The following TFEC variants were observed in gnomAD, a reference collection of about 807,000 sequenced individuals.
TFEC encodes the protein class E basic helix-loop-helix protein 34.
A neutral mutation model predicts 41.6 loss-of-function variants in TFEC; 31 were observed. The observed-to-expected ratio is 0.74, with a 90% CI of 0.56 to 1.01. The LOEUF (loss-of-function observed/expected upper bound fraction) is 1.01, where lower values mean the gene tolerates loss of function less well. Among genes scored for constraint, TFEC ranks in the 50% least tolerant of loss-of-function variants. The pLI, the probability that TFEC is intolerant of heterozygous loss-of-function variation, is 0.00. For synonymous variants in TFEC, 143 were observed against 140.6 expected, an observed-to-expected ratio of 1.02 and a Z score of -0.12; for missense variants, 402 against 404.1, an observed-to-expected ratio of 0.99 and a Z score of 0.04.
At chr7:116,000,201 A>G (rs1051444130) in intron 1 of TFEC, among the ~76,000 whole-genome samples, 2 of 152,176 alleles carry the variant, frequency 1.3e-5, no homozygotes, top group African/African-American at 4.8e-5. Context: ...AACAGAATGA[A>G]GAACAAAGAC....
At chr7:116,098,335 T>A (rs1797518980) in intron 3 of TFEC, among the ~76,000 whole-genome samples, 1 of 152,004 alleles carries the variant, frequency 6.6e-6, no homozygotes, top group South Asian at 2.1e-4. Flanking sequence ...AATTTTTCTA[T>A]TTTAGTAGAG....
intron 1 of TFEC, among the ~76,000 whole-genome samples, chr7:116,117,135 G>A (rs1344967149): frequency 6.6e-6 from 1 of 151,846 alleles, no homozygotes; most frequent in Non-Finnish European, 1.5e-5. Flanking sequence ...AACCTATTGA[G>A]TCTGATTTGT....
rs572119521 is a variant in TFEC, at chr7:115,974,406, TTATATATATATA to T, written c.181-162_181-151del. The T allele has an allele frequency of 4.3e-4, 28 of 65,008 alleles. 2 individuals are homozygous for T. Among genetic ancestry groups the T allele is most frequent in the East Asian group, 2.6e-3 (14 of 5,390 alleles). 4.0% of individuals were successfully genotyped at this position (65,008 alleles called of 1,614,324 possible). ...TATACATATATATAAAACCTCAATA[TTATATATATATA>T]TATATATATATATATATATATATAT... is the stretch of plus-strand genomic sequence containing the variant. On this transcript the variant is annotated intron_variant, in intron 2 of 7. Transcript: ENST00000265440.
In TFEC at chr7:116,095,943, T is replaced by C. The variant is rs190210693; in HGVS notation, c.198+14765A>G. 5.8e-4 allele frequency among the ~76,000 whole-genome samples: 89 copies of C among 152,324 alleles called. 1 individual carries two copies. In the Middle Eastern group the frequency reaches 0.031, roughly 52 times the overall value. On this transcript the variant is annotated intron_variant, in intron 3 of 8. Transcript: ENST00000484212. ...TTGTCTTGGCTTCATCTGTTGCCTTTGCAACTAACTGCCACATCTGTGCAT... is the reference window on the plus strand; with the variant it reads ...TTGTCTTGGCTTCATCTGTTGCCTTCGCAACTAACTGCCACATCTGTGCAT...
intron 2 of TFEC, among the ~76,000 whole-genome samples, chr7:115,983,039 G>A (rs1030135057): frequency 2.6e-5 from 4 of 152,094 alleles, no homozygotes; most frequent in African/African-American, 9.6e-5. Context: ...AATGAACTTT[G>A]GGAGAAGTAG....
At chr7:116,042,584 T>A (rs1239605585) in intron 3 of TFEC, among the ~76,000 whole-genome samples, 1 of 152,206 alleles carries the variant, frequency 6.6e-6, no homozygotes, top group African/African-American at 2.4e-5. Context: ...TTGGACATAA[T>A]TAATAATCTG....
chr7:116,010,755 T>TC (rs35560477), intron 1 of TFEC, among the ~76,000 whole-genome samples: 1 of 152,170 alleles, frequency 6.6e-6, no homozygotes, highest in Admixed American at 6.6e-5. Flanking sequence ...ACTTTATTTT[T>TC]CCCCCTTCTC....
chr7:116,063,250 C>G (rs1236511314), intron 3 of TFEC, among the ~76,000 whole-genome samples: 1 of 152,050 alleles, frequency 6.6e-6, no homozygotes, highest in Non-Finnish European at 1.5e-5. Context: ...ACAGAAAGAT[C>G]AGAGATTGCC....
intron 1 of TFEC, among the ~76,000 whole-genome samples, chr7:116,011,733 T>C (rs1795009295): frequency 6.6e-6 from 1 of 152,080 alleles, no homozygotes; most frequent in Non-Finnish European, 1.5e-5. Flanking sequence ...GTGGGAGGTG[T>C]TTTGGTCAGG....
intron 1 of TFEC, among the ~76,000 whole-genome samples, chr7:116,001,244 GTA>G (rs1456852577): frequency 3.3e-5 from 5 of 152,012 alleles, no homozygotes; most frequent in African/African-American, 7.2e-5. Context: ...TTAGACATTC[GTA>G]TACAGAAAAA....
intron 1 of TFEC, among the ~76,000 whole-genome samples, chr7:116,125,845 C>A (rs1471405364): frequency 6.6e-6 from 1 of 152,086 alleles, no homozygotes. Context: ...ATCCAGCTGA[C>A]AGTTAACAAT....
intron 1 of TFEC, among the ~76,000 whole-genome samples, chr7:115,992,056 T>A (rs1041700913): frequency 3.3e-5 from 5 of 152,102 alleles, no homozygotes; most frequent in Admixed American, 6.5e-5. Context: ...AGAAACTCAC[T>A]CAAAACCACA....
At chr7:116,090,989 T>C (rs1797313964) in intron 3 of TFEC, among the ~76,000 whole-genome samples, 1 of 151,722 alleles carries the variant, frequency 6.6e-6, no homozygotes, top group South Asian at 2.1e-4. Flanking sequence ...AGGGGAGGGA[T>C]AGCATCAGGA....
chr7:116,094,192 G>T (rs77791903), intron 3 of TFEC, among the ~76,000 whole-genome samples: 460 of 152,274 alleles, frequency 3.0e-3, no homozygotes, highest in Non-Finnish European at 5.6e-3. Flanking sequence ...ACACTACAGA[G>T]AATTTGCCTC....
intron 3 of TFEC, among the ~76,000 whole-genome samples, chr7:116,065,162 T>G (rs1331336866): frequency 6.6e-6 from 1 of 152,140 alleles, no homozygotes; most frequent in Non-Finnish European, 1.5e-5. Context: ...AGGAAAAATC[T>G]GAAGGCAAAG....
rs1037263853 is a variant in TFEC at position 115,939,609 on chromosome 7, C to T, written c.*942G>A. ...CAATACTGATGAAAAGTTTTAAGTA[C>T]CTGAAAACTGTCCTTGCAGGGGGAC... On this transcript the variant is annotated 3_prime_UTR_variant, in exon 8 of 8. Coordinates refer to ENST00000265440, the MANE Select transcript of TFEC (RefSeq NM_012252.4). 5 of 151,844 alleles carry T rather than the reference C, an allele frequency of 3.3e-5. No individual in the cohort carries two copies. Among genetic ancestry groups the T allele is most frequent in the Non-Finnish European group, 7.4e-5 (5 of 67,906 alleles). The allele number at this position is 151,844 out of a possible 1,614,324, so 9.4% of individuals were successfully genotyped here. A position where few individuals can be genotyped will look rare whatever the true frequency, so the allele number is the denominator to read the frequency against.
At chr7:116,116,103 A>G (rs1467917245) in intron 1 of TFEC, among the ~76,000 whole-genome samples, 1 of 151,992 alleles carries the variant, frequency 6.6e-6, no homozygotes. Flanking sequence ...TATTTAAATC[A>G]AATAATGTAT....
rs1055789699 is a variant in TFEC at position 116,147,785 on chromosome 7, T to C, written c.-69+12005A>G. On this transcript the variant is annotated intron_variant, in intron 1 of 8. Transcript: ENST00000484212. ...TGTCAACGTAGAATCTTATACCCTATGAAATTATCTCTCATTCAATCATTC... is the reference window on the plus strand; with the variant it reads ...TGTCAACGTAGAATCTTATACCCTACGAAATTATCTCTCATTCAATCATTC... Among the ~76,000 whole-genome samples the C allele has an allele frequency of 8.5e-5, 13 of 152,296 alleles. No individual in the cohort carries two copies. In the East Asian group the frequency reaches 2.3e-3, roughly 27 times the overall value.
intron 3 of TFEC, among the ~76,000 whole-genome samples, chr7:116,091,767 T>A (rs182527479): frequency 6.6e-6 from 1 of 152,272 alleles, no homozygotes; most frequent in Non-Finnish European, 1.5e-5. Flanking sequence ...TGCATTGTTC[T>A]AAATTCTTCT....
Sources: allele counts gnomAD v4.1 joint callset (sites outside exome capture counted in the v4.1 genomes callset), GRCh38; gene constraint gnomAD v4.1.1; transcripts MANE v1.5; gene names NCBI Gene and HGNC (gene_info 2026-07-23, HGNC 2026-07-21).